The following TSHR variants were observed in gnomAD, a reference collection of about 807,000 sequenced individuals.
TSHR encodes the protein thyrotropin receptor.
Under a neutral mutation model 64.1 loss-of-function variants are expected in TSHR, and 51 were observed. That is an observed-to-expected ratio of 0.80 (90% CI 0.64 to 1.01). The LOEUF (loss-of-function observed/expected upper bound fraction) is 1.01. TSHR is among the 50% of genes least tolerant of loss of function. The pLI is 0.00. For synonymous variants in TSHR, 361 were observed against 361.9 expected (o/e 1.00, Z 0.03); for missense variants, 877 against 942.8 (o/e 0.93, Z 0.91).
In TSHR at chr14:81,143,608, T is replaced by C. The variant is rs1220287995; in HGVS notation, c.1550T>C (p.Leu517Pro). Residue 517 changes from leucine to proline, a missense_variant, in exon 10 of 10, where the codon CTG (leucine) becomes CCG (proline). Leu to Pro is a moderately conservative substitution (Grantham distance 98). Coordinates refer to ENST00000298171, the MANE Select transcript of TSHR (RefSeq NM_000369.5). Reference protein sequence around the residue: ...LSVYTLTVITLERWYAITFAM... With the variant: ...LSVYTLTVITPERWYAITFAM... The stretch of plus-strand genomic sequence containing the variant: ...GTGTATACGCTGACGGTCATCACCC[T>C]GGAGCGCTGGTATGCCATCACCTTC... 6.2e-7 allele frequency: 1 copy of C among 1,613,850 alleles called. No homozygotes were observed. The highest frequency in any genetic ancestry group is 8.5e-7 in the Non-Finnish European group (1 of 1,180,026).
In TSHR at chr14:81,084,403, C is replaced by A. The variant is rs192119827; in HGVS notation, c.318-3551C>A. Among the ~76,000 whole-genome samples the A allele has an allele frequency of 2.5e-3, 386 of 152,070 alleles. 7 individuals are homozygous for A. In the Middle Eastern group the frequency reaches 0.027, roughly 11 times the overall value. On this transcript the variant is annotated intron_variant, in intron 3 of 9. Transcript: ENST00000298171. ...AAAAAGTGAAAATTCCACATTCCTT[C>A]TTTTTAAACCTATCTGCTAGATGTG...
intron 1 of TSHR, among the ~76,000 whole-genome samples, chr14:81,027,163 G>A (rs972076086): frequency 6.6e-6 from 1 of 152,008 alleles, no homozygotes; most frequent in East Asian, 1.9e-4. Flanking sequence ...AAAAAGACTA[G>A]AGTAGGAAAA....
intron 2 of TSHR, among the ~76,000 whole-genome samples, chr14:81,064,575 C>T (rs1886471250): frequency 6.6e-6 from 1 of 152,102 alleles, no homozygotes. Flanking sequence ...AGACAAAGAT[C>T]CATGTCCCCA....
At chr14:81,048,656 A>G (rs1885286817) in intron 1 of TSHR, among the ~76,000 whole-genome samples, 1 of 152,360 alleles carries the variant, frequency 6.6e-6, no homozygotes, top group African/African-American at 2.4e-5. Context: ...TATAAAATAA[A>G]AAATTTTTAA....
intron 1 of TSHR, among the ~76,000 whole-genome samples, chr14:80,999,253 T>C (rs2284732): frequency 0.12 from 18,482 of 152,214 alleles, 1,431 homozygotes; most frequent in East Asian, 0.38. Context: ...TTTTTTATAT[T>C]GGAGAAAATC....
intron 1 of TSHR, among the ~76,000 whole-genome samples, chr14:81,037,578 C>G (rs1884709557): frequency 6.6e-6 from 1 of 152,040 alleles, no homozygotes; most frequent in Non-Finnish European, 1.5e-5. Context: ...CAAAACCCAA[C>G]TATATGCTAC....
At chr14:81,003,864 C>T (rs1041843698) in intron 1 of TSHR, among the ~76,000 whole-genome samples, 2 of 152,020 alleles carry the variant, frequency 1.3e-5, no homozygotes, top group African/African-American at 2.4e-5. Context: ...AATCTTCATT[C>T]GTCTTTAACT....
intron 3 of TSHR, chr14:81,078,775 C>T (rs1458769406): frequency 1.3e-5 from 2 of 152,204 alleles, no homozygotes; most frequent in Admixed American, 1.3e-4. Context: ...GCCTAACCTT[C>T]TAGCAATTCC....
At chr14:81,016,889 A>G (rs1883440477) in intron 1 of TSHR, among the ~76,000 whole-genome samples, 1 of 152,124 alleles carries the variant, frequency 6.6e-6, no homozygotes. Flanking sequence ...AAAGACTATC[A>G]ATTTATTAAA....
At chr14:81,051,735 C>G (rs1885444092) in intron 1 of TSHR, 1 of 152,134 alleles carries the variant, frequency 6.6e-6, no homozygotes, top group African/African-American at 2.4e-5. Context: ...GCCATACTTA[C>G]AGGTGCAGGG....
intron 1 of TSHR, among the ~76,000 whole-genome samples, chr14:81,029,749 G>GA (rs1183673050): frequency 1.3e-5 from 2 of 152,062 alleles, no homozygotes; most frequent in African/African-American, 2.4e-5. Flanking sequence ...AAAAGAGGGT[G>GA]AAATAATAAC....
chr14:81,060,313 CA>C (rs1369466212), intron 1 of TSHR, among the ~76,000 whole-genome samples: 7 of 152,132 alleles, frequency 4.6e-5, no homozygotes, highest in African/African-American at 9.7e-5. Context: ...CAATTTTACA[CA>C]GAGATTTTGG....
chr14:81,024,733 A>G (rs899463916), intron 1 of TSHR, among the ~76,000 whole-genome samples: 6 of 152,144 alleles, frequency 3.9e-5, no homozygotes, highest in Non-Finnish European at 7.4e-5. Context: ...TTGAAATGGC[A>G]GGCAATCGCA....
chr14:81,070,651 A>AG lies in TSHR; in HGVS notation c.317+2324dup, dbSNP rs1315202096. Among the ~76,000 whole-genome samples, 12 of 143,334 alleles carry AG rather than the reference A, an allele frequency of 8.4e-5. 1 individual carries two copies. The highest frequency in any genetic ancestry group is 3.3e-4 in the African/African-American group (12 of 36,866). The allele number at this position is 143,334 out of a possible 152,430, so 94.0% of individuals were successfully genotyped here. ...AAAAAAAAAAAAAAAAAAAAAAAAA[A>AG]GCAGCAAGGAAATAATAAATAATAC... On this transcript the variant is annotated intron_variant, in intron 3 of 9. Transcript: ENST00000298171.
At chr14:80,973,002 T>A (rs553418022) in intron 1 of TSHR, among the ~76,000 whole-genome samples, 34 of 152,324 alleles carry the variant, frequency 2.2e-4, no homozygotes, top group Admixed American at 1.6e-3. Context: ...TGGCTAAAGC[T>A]TGCAGCAATT....
intron 1 of TSHR, chr14:81,051,567 C>G (rs1885434215): frequency 1.3e-5 from 2 of 152,106 alleles, no homozygotes; most frequent in Admixed American, 1.3e-4. Flanking sequence ...GGTGGCATAG[C>G]TGGATCATAT....
chr14:81,002,274 T>C (rs1187732266), intron 1 of TSHR, among the ~76,000 whole-genome samples: 1 of 152,174 alleles, frequency 6.6e-6, no homozygotes, highest in African/African-American at 2.4e-5. Context: ...TTTCCTGTTT[T>C]CCTACATCTT....
intron 1 of TSHR, chr14:81,001,786 A>G (rs1170274111): frequency 9.0e-6 from 3 of 333,348 alleles, no homozygotes; most frequent in Non-Finnish European, 1.8e-5. Context: ...GGGTCGAGTG[A>G]ACAGAAAACT....
rs764869600 is a variant in TSHR at position 81,029,149 on chromosome 14, AG to A, written c.171-32997del. On this transcript the variant is annotated intron_variant, in intron 1 of 9. Coordinates refer to ENST00000298171, the MANE Select transcript of TSHR (RefSeq NM_000369.5). ...TTAAAAGAATTAAAAACCATAACAA[AG>A]GCCATCATGATTTCCCCAGAGTTAT... Among the ~76,000 whole-genome samples, 72 of 152,192 alleles carry A rather than the reference AG, an allele frequency of 4.7e-4. 1 individual carries two copies. Among genetic ancestry groups the A allele is most frequent in the Non-Finnish European group, 2.9e-5 (2 of 67,978 alleles).
Sources: gnomAD v4.1 joint callset for allele counts (sites outside exome capture counted in the v4.1 genomes callset) on GRCh38, gnomAD v4.1.1 for gene constraint, MANE v1.5 for transcripts, NCBI Gene and HGNC (gene_info 2026-07-23, HGNC 2026-07-21) for gene names.